PCBD2: variants seen among roughly 807,000 people sequenced by gnomAD.
The protein encoded by PCBD2 is pterin-4-alpha-carbinolamine dehydratase 2.
In PCBD2, 12 loss-of-function variants were observed where a neutral mutation model predicts 16.4. The ratio of observed to expected loss-of-function variants is 0.73; its 90% CI spans 0.47 to 1.19. The LOEUF is 1.19. Among genes scored for constraint, PCBD2 ranks in the 50% most tolerant of loss-of-function variants. The probability of loss-of-function intolerance (pLI) is 0.00; values close to 1 mark genes in which losing one functional copy is unlikely to be tolerated. For missense variants in PCBD2, 138 were observed against 156.8 expected (o/e 0.88, Z 0.64); for synonymous variants, 58 against 61.8 (o/e 0.94, Z 0.29).
At chr5:134,955,146 T>A (rs902331221) in intron 2 of PCBD2, among the ~76,000 whole-genome samples, 2 of 151,876 alleles carry the variant, frequency 1.3e-5, no homozygotes, top group African/African-American at 4.8e-5. Flanking sequence ...TATATATATA[T>A]GATTGAAATA....
intron 2 of PCBD2, chr5:134,928,553 G>T: frequency 3.9e-6 from 1 of 256,352 alleles, no homozygotes. Flanking sequence ...ATGACTTCCA[G>T]GCTGGGCGCG....
chr5:134,923,833 C>G (rs1750941255), intron 2 of PCBD2: 1 of 393,842 alleles, frequency 2.5e-6, no homozygotes, highest in Non-Finnish European at 4.5e-6. Flanking sequence ...CCATAATTTA[C>G]GTCTCGGGTG....
chr5:134,942,812 A>T (rs1312470274), intron 2 of PCBD2, among the ~76,000 whole-genome samples: 2 of 152,180 alleles, frequency 1.3e-5, no homozygotes, highest in Non-Finnish European at 2.9e-5. Flanking sequence ...CAGCCAAGTC[A>T]TACAGCCTGC....
intron 2 of PCBD2, chr5:134,928,291 A>G (rs1580885391): frequency 2.6e-6 from 1 of 388,442 alleles, no homozygotes; most frequent in East Asian, 3.6e-5. Context: ...GTGAGATGGT[A>G]AATTCTAGTA....
At chr5:134,936,972 T>C (rs1292066479) in intron 2 of PCBD2, among the ~76,000 whole-genome samples, 1 of 152,228 alleles carries the variant, frequency 6.6e-6, no homozygotes, top group African/African-American at 2.4e-5. Context: ...ATGGCTATAA[T>C]TTAAAACCAA....
At position 134,920,686 on chromosome 5, in the gene PCBD2, C is replaced by T. The variant is rs191965930; in HGVS notation, c.216+10220C>T. 1.5e-4 allele frequency among the ~76,000 whole-genome samples: 23 copies of T among 150,656 alleles called. No homozygotes were observed. The East Asian group carries it at 4.3e-3, about 28-fold the overall frequency. On this transcript the variant is annotated intron_variant, in intron 2 of 3. Transcript: ENST00000254908. ...TTTTTTTTTTTTTGAGACGGAGTCT[C>T]GCTCTGTCGGCTAGGCTGGAGTGCA... is the stretch of plus-strand genomic sequence containing the variant.
chr5:134,916,651 C>G (rs4601086), intron 2 of PCBD2, among the ~76,000 whole-genome samples: 1 of 152,232 alleles, frequency 6.6e-6, no homozygotes, highest in African/African-American at 2.4e-5. Flanking sequence ...GAGTTTTATT[C>G]TAAGGTATGG....
intron 2 of PCBD2, chr5:134,926,983 G>T: frequency 2.5e-6 from 1 of 398,512 alleles, no homozygotes; most frequent in Non-Finnish European, 4.4e-6. Context: ...ATTAGTGGGA[G>T]TAGGGTTTGA....
rs537775981 is a variant in PCBD2, at chr5:134,956,170, G to A, written c.217-2870G>A. Among the ~76,000 whole-genome samples the A allele has an allele frequency of 3.3e-5, 5 of 152,324 alleles. No homozygotes were observed. The East Asian group carries it at 5.8e-4, about 18-fold the overall frequency. On this transcript the variant is annotated intron_variant, in intron 2 of 3. Transcript: ENST00000254908. ...GGGAAGAATTAAGAATAAATCCTGT[G>A]TAAATGGTTTATCAGGCTTTGTAGT...
rs967072837 is a variant in PCBD2 at position 134,905,198 on chromosome 5, G to A, written c.59G>A (p.Gly20Asp). The change falls in exon 1 of 4, where the codon GGC becomes GAC. Residue 20 changes from glycine to aspartate, a missense_variant. Coordinates refer to ENST00000254908, the MANE Select transcript of PCBD2 (RefSeq NM_032151.5). ...CGGCGCTTGTTGGCGGCGCTGCGAGGCCAGAGCCTAGGGCTAGCGGCCATG... is the reference window on the plus strand; with the variant it reads ...CGGCGCTTGTTGGCGGCGCTGCGAGACCAGAGCCTAGGGCTAGCGGCCATG... ...ATRRLLAALR[G>D]QSLGLAAMSS... is the part of the protein sequence containing the mutation. 2.5e-5 allele frequency: 30 copies of A among 1,224,210 alleles called. No individual in the cohort carries two copies. Among genetic ancestry groups the A allele is most frequent in the Non-Finnish European group, 2.9e-5 (29 of 983,406 alleles). 75.8% of individuals were successfully genotyped at this position (1,224,210 alleles called of 1,614,324 possible). A position where few individuals can be genotyped will look rare whatever the true frequency, so the allele number is the denominator to read the frequency against.
At chr5:134,943,108 G>A (rs1751248337) in intron 2 of PCBD2, among the ~76,000 whole-genome samples, 1 of 152,136 alleles carries the variant, frequency 6.6e-6, no homozygotes, top group African/African-American at 2.4e-5. Context: ...GAATTGCTGG[G>A]ATAACTTCTG....
At chr5:134,925,910 G>T in intron 2 of PCBD2, 1 of 392,670 alleles carries the variant, frequency 2.5e-6, no homozygotes, top group South Asian at 1.3e-4. Context: ...GCTAGGGCAA[G>T]GATGAAACCG....
intron 2 of PCBD2, among the ~76,000 whole-genome samples, chr5:134,942,254 A>G (rs1399297094): frequency 1.3e-5 from 2 of 152,062 alleles, no homozygotes; most frequent in Non-Finnish European, 2.9e-5. Flanking sequence ...AAAGATGCAC[A>G]CATGGAGGCT....
chr5:134,922,412 A>G (rs1372134163), intron 2 of PCBD2, among the ~76,000 whole-genome samples: 2 of 151,868 alleles, frequency 1.3e-5, no homozygotes, highest in Admixed American at 6.6e-5. Flanking sequence ...ATCTCACACT[A>G]TCCTGCCCCT....
intron 3 of PCBD2, among the ~76,000 whole-genome samples, chr5:134,959,407 C>T (rs900671842): frequency 6.6e-6 from 1 of 152,064 alleles, no homozygotes; most frequent in Non-Finnish European, 1.5e-5. Flanking sequence ...CATGCAGATA[C>T]GTTTCAAAAC....
intron 2 of PCBD2, among the ~76,000 whole-genome samples, chr5:134,949,938 G>A (rs560798725): frequency 1.3e-5 from 2 of 152,358 alleles, no homozygotes; most frequent in South Asian, 4.1e-4. Context: ...ATTAAGGTAG[G>A]TTGTGTTGCC....
intron 1 of PCBD2, among the ~76,000 whole-genome samples, chr5:134,909,663 T>C (rs1452492916): frequency 6.6e-6 from 1 of 152,222 alleles, no homozygotes; most frequent in Non-Finnish European, 1.5e-5. Context: ...ACCAGGAGTT[T>C]GGAGCCTTGA....
At chr5:134,927,311 A>G (rs869076755) in intron 2 of PCBD2, 1 of 398,536 alleles carries the variant, frequency 2.5e-6, no homozygotes, top group East Asian at 3.6e-5. Flanking sequence ...GGCGTATTAT[A>G]CCATAGCCGC....
chr5:134,942,158 G>A, intron 2 of PCBD2, among the ~76,000 whole-genome samples: 2 of 148,048 alleles, frequency 1.4e-5, no homozygotes, highest in African/African-American at 2.5e-5. Context: ...AAAGATTGTA[G>A]GAAACTTATT....
Sources: gnomAD v4.1 joint callset for allele counts (sites outside exome capture counted in the v4.1 genomes callset) on GRCh38, gnomAD v4.1.1 for gene constraint, MANE v1.5 for transcripts, NCBI Gene and HGNC (gene_info 2026-07-23, HGNC 2026-07-21) for gene names.